The following NCOA1 variants were observed in gnomAD, a reference collection of about 807,000 sequenced individuals.
NCOA1 encodes the protein Hin-2 protein.
In NCOA1, 35 loss-of-function variants were observed where a neutral mutation model predicts 150.9. That is an observed-to-expected ratio of 0.23 (90% confidence interval 0.18 to 0.31). The LOEUF is 0.31. NCOA1 is among the 10% of genes least tolerant of loss of function. NCOA1 has a pLI of 1.00. For missense variants in NCOA1, 1,491 were observed against 1,749.3 expected (o/e 0.85, Z 2.63); for synonymous variants, 590 against 630.0 (o/e 0.94, Z 0.95).
chr2:24,707,139 A>G lies in NCOA1; in HGVS notation c.1669A>G (p.Ser557Gly), dbSNP rs745418219. The change falls in exon 13 of 23, where the codon AGT (serine) becomes GGT (glycine). Residue 557 changes from serine (S) to glycine (G), a missense_variant. By Grantham distance (56) the Ser-to-Gly change is moderately conservative. Around this residue, in one of 8 missense-constraint regions of NCOA1, gnomAD observed 703 missense variants for 717.7 expected, o/e 0.98. Transcript: ENST00000348332. ...GPNNSVGFSA[S>G]SPVLRQMSSQ... ...CAATAACTCCGTTGGCTTCTCTGCC[A>G]GTTCTCCAGTCCTCAGGCAGATGAG... 1.2e-6 allele frequency: 2 copies of G among 1,614,116 alleles called. No individual in the cohort carries two copies. Among genetic ancestry groups the G allele is most frequent in the South Asian group, 2.2e-5 (2 of 91,090 alleles).
At chr2:24,747,616 A>C (rs1026779498) in intron 19 of NCOA1, among the ~76,000 whole-genome samples, 63 of 152,234 alleles carry the variant, frequency 4.1e-4, no homozygotes, top group African/African-American at 1.4e-3. Context: ...GGCATGAGCC[A>C]CCACACCAAG....
chr2:24,675,884 C>T (rs1671885737), intron 7 of NCOA1, among the ~76,000 whole-genome samples: 1 of 152,016 alleles, frequency 6.6e-6, no homozygotes, highest in South Asian at 2.1e-4. Flanking sequence ...GACTCTGTCT[C>T]AAAATAAATA....
At chr2:24,653,975 CATT>C (rs1478839792) in intron 4 of NCOA1, among the ~76,000 whole-genome samples, 2 of 152,052 alleles carry the variant, frequency 1.3e-5, no homozygotes, top group African/African-American at 4.8e-5. Context: ...AAATTTATTG[CATT>C]ATTTCATTTT....
intron 2 of NCOA1, among the ~76,000 whole-genome samples, chr2:24,570,622 T>TA (rs917829701): frequency 6.6e-6 from 1 of 152,196 alleles, no homozygotes; most frequent in African/African-American, 2.4e-5. Context: ...GAATGGCTGC[T>TA]AACTGCACGG....
intron 11 of NCOA1, among the ~76,000 whole-genome samples, chr2:24,703,037 G>T (rs1024642476): frequency 1.3e-5 from 2 of 152,046 alleles, no homozygotes; most frequent in African/African-American, 2.4e-5. Context: ...TATTTGTTGG[G>T]TTTTTTTCCC....
At position 24,699,728 on chromosome 2, in the gene NCOA1, G is replaced by A. The variant is rs576409117; in HGVS notation, c.949+1930G>A. ...GATATTTTCTATTCAGCAGTATCTA[G>A]CCAGATATGAGAAATGTGGTCAATG... On this transcript the variant is annotated intron_variant, in intron 11 of 22. Transcript: ENST00000348332. 3.3e-5 allele frequency among the ~76,000 whole-genome samples: 5 copies of A among 152,248 alleles called. No homozygotes were observed. In the South Asian group the frequency reaches 1.0e-3, roughly 32 times the overall value.
intron 1 of NCOA1, among the ~76,000 whole-genome samples, chr2:24,511,595 A>G (rs1255925973): frequency 5.3e-5 from 8 of 151,912 alleles, no homozygotes; most frequent in African/African-American, 1.9e-4. Context: ...CTGAATTGTA[A>G]GAATTCTTTA....
chr2:24,675,513 CT>C (rs1671863012), intron 7 of NCOA1, among the ~76,000 whole-genome samples: 1 of 152,198 alleles, frequency 6.6e-6, no homozygotes, highest in Non-Finnish European at 1.5e-5. Flanking sequence ...TCCCATAAGG[CT>C]TTGTGTAGTG....
intron 20 of NCOA1, among the ~76,000 whole-genome samples, chr2:24,756,733 T>C (rs962825320): frequency 6.6e-6 from 1 of 152,224 alleles, no homozygotes; most frequent in African/African-American, 2.4e-5. Context: ...CATTATCCTT[T>C]AGATGTGCAT....
intron 3 of NCOA1, among the ~76,000 whole-genome samples, chr2:24,639,960 A>G (rs1404462153): frequency 3.8e-5 from 4 of 104,212 alleles, no homozygotes; most frequent in Admixed American, 1.1e-4. Context: ...ATATATATAT[A>G]TATATATATA....
intron 1 of NCOA1, among the ~76,000 whole-genome samples, chr2:24,505,226 G>C (rs571500569): frequency 7.1e-6 from 1 of 141,430 alleles, no homozygotes; most frequent in Non-Finnish European, 1.5e-5. Context: ...TGCCCTTGTT[G>C]CTGAGGCTGG....
Position 24,506,638 on chromosome 2 carries a change from G to A in NCOA1, c.-396+15036G>A, listed in dbSNP as rs1349286666. 5.3e-5 allele frequency among the ~76,000 whole-genome samples: 8 copies of A among 152,126 alleles called. No individual in the cohort carries two copies. The East Asian group carries it at 1.4e-3, about 26-fold the overall frequency. On this transcript the variant is annotated intron_variant, in intron 1 of 22. Coordinates refer to ENST00000348332, the MANE Select transcript of NCOA1 (RefSeq NM_003743.5). ...GTTAGGTTCCTTAATTATCATAAGA[G>A]AATACTCACCTGATTGCATTTGATT...
intron 6 of NCOA1, among the ~76,000 whole-genome samples, chr2:24,670,759 G>T (rs1486045969): frequency 6.6e-6 from 1 of 152,166 alleles, no homozygotes; most frequent in Non-Finnish European, 1.5e-5. Flanking sequence ...TGTGACAGTG[G>T]TTGCACAATT....
At chr2:24,613,518 C>G (rs947250358) in intron 3 of NCOA1, among the ~76,000 whole-genome samples, 3 of 152,136 alleles carry the variant, frequency 2.0e-5, no homozygotes, top group African/African-American at 7.2e-5. Flanking sequence ...AGGCATGGAG[C>G]TGGCAAACCT....
chr2:24,511,855 T>C (rs1663948039), intron 1 of NCOA1, among the ~76,000 whole-genome samples: 1 of 152,224 alleles, frequency 6.6e-6, no homozygotes, highest in Non-Finnish European at 1.5e-5. Flanking sequence ...TACATTTAGG[T>C]CTGATATATT....
chr2:24,505,598 C>CT (rs1229485818), intron 1 of NCOA1, among the ~76,000 whole-genome samples: 2 of 152,002 alleles, frequency 1.3e-5, no homozygotes, highest in East Asian at 1.9e-4. Flanking sequence ...GTCTTGAAGA[C>CT]TTTTTTTTAT....
At chr2:24,497,050 T>C (rs986122205) in intron 1 of NCOA1, among the ~76,000 whole-genome samples, 5 of 152,210 alleles carry the variant, frequency 3.3e-5, no homozygotes, top group African/African-American at 1.2e-4. Context: ...GAGTGTTGTC[T>C]CTGAGCCAGG....
intron 7 of NCOA1, among the ~76,000 whole-genome samples, chr2:24,677,189 C>G (rs1441387553): frequency 1.3e-5 from 2 of 151,864 alleles, no homozygotes; most frequent in African/African-American, 4.8e-5. Context: ...ACTAAAAATA[C>G]AAAAATCAGC....
At chr2:24,609,228 A>T (rs1668515017) in intron 3 of NCOA1, among the ~76,000 whole-genome samples, 1 of 152,176 alleles carries the variant, frequency 6.6e-6, no homozygotes, top group African/African-American at 2.4e-5. Flanking sequence ...TTCTCCATTT[A>T]AAATATTTAT....
Sources: gnomAD v4.1 joint callset for allele counts (sites outside exome capture counted in the v4.1 genomes callset) on GRCh38, gnomAD v4.1.1 for gene constraint, gnomAD v4.1.1 regional missense constraint, MANE v1.5 for transcripts, NCBI Gene and HGNC (gene_info 2026-07-23, HGNC 2026-07-21) for gene names.